Variants in KAZN observed in about 807,000 individuals in gnomAD.
KAZN encodes the protein kazrin.
In KAZN, 40 loss-of-function variants were observed where a neutral mutation model predicts 87.4. The ratio of observed to expected loss-of-function variants is 0.46; its 90% CI spans 0.36 to 0.60. The LOEUF (loss-of-function observed/expected upper bound fraction) is 0.60, where lower values mean the gene tolerates loss of function less well. KAZN is among the 20% of genes least tolerant of loss of function. KAZN has a pLI of 0.00. For missense variants in KAZN, 898 were observed against 1,073.9 expected (o/e 0.84, Z 2.29); for synonymous variants, 466 against 458.3 (o/e 1.02, Z -0.22).
chr1:14,368,911 C>T (rs1660237758), intron 2 of KAZN, among the ~76,000 whole-genome samples: 1 of 152,088 alleles, frequency 6.6e-6, no homozygotes, highest in Admixed American at 6.6e-5. Context: ...GTAGTTCTCT[C>T]CAAGTATATT....
intron 1 of KAZN, among the ~76,000 whole-genome samples, chr1:14,116,650 A>G (rs1644627688): frequency 6.6e-6 from 1 of 152,170 alleles, no homozygotes; most frequent in Admixed American, 6.5e-5. Context: ...CCCTACTGGG[A>G]TGCTGCTTAG....
rs1639987603 is a variant in KAZN, at chr1:15,081,164, T to C, written c.1223-13016T>C. Among the ~76,000 whole-genome samples, 1 of 152,196 alleles carries C rather than the reference T, an allele frequency of 6.6e-6. No individual in the cohort carries two copies. Among genetic ancestry groups the C allele is most frequent in the Admixed American group, 6.5e-5 (1 of 15,282 alleles). ...TCCCTCCGTTCCTCCCTTCCTGCCT[T>C]CTTTTACTCAATACTTAGAGGGCTC... On this transcript the variant is annotated intron_variant, in intron 8 of 14. Coordinates refer to ENST00000376030, the MANE Select transcript of KAZN (RefSeq NM_201628.3). This position sits in a 1 kb window ranked among gnomAD's most constrained non-coding sequence, Gnocchi z 4.1.
intron 2 of KAZN, among the ~76,000 whole-genome samples, chr1:14,385,860 G>A: frequency 6.8e-6 from 1 of 146,730 alleles, no homozygotes; most frequent in Non-Finnish European, 1.5e-5. Flanking sequence ...TCAATTCCTG[G>A]GTATCCTTGT....
At chr1:14,446,317 T>C (rs1045159960) in intron 2 of KAZN, among the ~76,000 whole-genome samples, 1 of 152,176 alleles carries the variant, frequency 6.6e-6, no homozygotes, top group Non-Finnish European at 1.5e-5. Context: ...CCTAGATACC[T>C]TATTCCAAGC....
At chr1:14,680,098 AT>A (rs1640480232) in intron 1 of KAZN, among the ~76,000 whole-genome samples, 1 of 152,122 alleles carries the variant, frequency 6.6e-6, no homozygotes, top group South Asian at 2.1e-4. Flanking sequence ...GGGAGGTGAT[AT>A]TTTTAATTAA....
rs182726856 is a variant in KAZN at position 15,104,552 on chromosome 1, T to C, written c.2048+363T>C. On this transcript the variant is annotated intron_variant, in intron 13 of 14. Transcript: ENST00000376030. The stretch of plus-strand genomic sequence containing the variant: ...ACTTGCATTGGCCTAATAGGTTGAG[T>C]TGGTTGGTCCAGGTGGGGCAACTGT... Among the ~76,000 whole-genome samples, 45 of 152,192 alleles carry C rather than the reference T, an allele frequency of 3.0e-4. No homozygotes were observed. The East Asian group carries it at 6.6e-3, about 22-fold the overall frequency.
chr1:14,854,510 A>G (rs984948444), intron 1 of KAZN, among the ~76,000 whole-genome samples: 1 of 152,190 alleles, frequency 6.6e-6, no homozygotes, highest in Non-Finnish European at 1.5e-5. Flanking sequence ...ATGGTGGAGA[A>G]GGTCAAAGGG....
chr1:14,847,845 T>C (rs1452476304), intron 1 of KAZN, among the ~76,000 whole-genome samples: 1 of 152,090 alleles, frequency 6.6e-6, no homozygotes. Flanking sequence ...TAGCCAGGCG[T>C]GATGGCCACC....
At chr1:14,918,104 C>CT (rs1658018883) in intron 1 of KAZN, among the ~76,000 whole-genome samples, 1 of 151,992 alleles carries the variant, frequency 6.6e-6, no homozygotes, top group Non-Finnish European at 1.5e-5. Flanking sequence ...GTCTCAATCT[C>CT]TTAACCTTGT....
intron 1 of KAZN, among the ~76,000 whole-genome samples, chr1:14,168,313 G>C (rs1645875903): frequency 6.6e-6 from 1 of 152,190 alleles, no homozygotes; most frequent in African/African-American, 2.4e-5. Flanking sequence ...GAAGCTGTTT[G>C]GAATGCCCGT....
intron 1 of KAZN, among the ~76,000 whole-genome samples, chr1:14,031,751 A>C (rs1165766766): frequency 2.0e-4 from 31 of 152,068 alleles, no homozygotes. Flanking sequence ...GTTTCTTGAG[A>C]CTCTGCTTCA....
At chr1:14,758,101 GTT>G (rs1156400521) in intron 1 of KAZN, among the ~76,000 whole-genome samples, 1 of 136,248 alleles carries the variant, frequency 7.3e-6, no homozygotes, top group Non-Finnish European at 1.6e-5. Context: ...TTGTTTGTTT[GTT>G]TCTTTGTTTT....
At chr1:14,786,358 G>A (rs1645508433) in intron 1 of KAZN, among the ~76,000 whole-genome samples, 1 of 152,140 alleles carries the variant, frequency 6.6e-6, no homozygotes, top group Non-Finnish European at 1.5e-5. Flanking sequence ...ACTGCAGTTT[G>A]GGGAGCAGCA....
Position 15,114,739 on chromosome 1 carries a change from G to A in KAZN, c.*104G>A, listed in dbSNP as rs1007229778. 126 of 1,202,946 alleles carry A rather than the reference G, an allele frequency of 1.0e-4. 1 individual carries two copies. The African/African-American group carries it at 1.8e-3, about 17-fold the overall frequency. 74.5% of individuals were successfully genotyped at this position (1,202,946 alleles called of 1,614,324 possible). A position where few individuals can be genotyped will look rare whatever the true frequency, so the allele number is the denominator to read the frequency against. On this transcript the variant is annotated 3_prime_UTR_variant, in exon 15 of 15. Coordinates refer to ENST00000376030, the MANE Select transcript of KAZN (RefSeq NM_201628.3). ...ACTGTACATAGCGGCCGCAGGCTGA[G>A]GATGTCCCTTGCTCCTGGGCAAAAT...
chr1:14,948,049 C>T (rs1475791751), intron 1 of KAZN, among the ~76,000 whole-genome samples: 3 of 152,176 alleles, frequency 2.0e-5, no homozygotes, highest in Non-Finnish European at 2.9e-5. Context: ...GAACTAAGTT[C>T]CCTTGTCCAT....
At chr1:14,145,710 A>G (rs942111706) in intron 1 of KAZN, among the ~76,000 whole-genome samples, 1 of 151,904 alleles carries the variant, frequency 6.6e-6, no homozygotes, top group Admixed American at 6.6e-5. Context: ...CCTCCCAAGT[A>G]GCTGGGATTA....
At position 14,115,877 on chromosome 1, in the gene KAZN, T is replaced by C. The variant is rs531689027; in HGVS notation, c.92-64558T>C. On this transcript the variant is annotated intron_variant, in intron 1 of 16. Coordinates refer to the KAZN transcript ENST00000636203. The stretch of plus-strand genomic sequence containing the variant: ...GTCTCAGACGGAAATAAGGACCTTC[T>C]TGGGAACTAGAGCAAAGGTGAGTCT... Among the ~76,000 whole-genome samples, 3 of 152,314 alleles carry C rather than the reference T, an allele frequency of 2.0e-5. No homozygotes were observed. In the East Asian group the frequency reaches 5.8e-4, roughly 29 times the overall value.
chr1:14,233,391 TC>T (rs1204807590), intron 2 of KAZN, among the ~76,000 whole-genome samples: 3 of 152,196 alleles, frequency 2.0e-5, no homozygotes, highest in East Asian at 3.9e-4. Flanking sequence ...TGCTGTGGCC[TC>T]CCAAAGCGCT....
intron 2 of KAZN, among the ~76,000 whole-genome samples, chr1:14,246,801 CT>C (rs911447722): frequency 1.3e-5 from 2 of 151,976 alleles, no homozygotes; most frequent in East Asian, 1.9e-4. Flanking sequence ...CCATGACCTG[CT>C]TTTTTTTCAA....
Sources: allele counts gnomAD v4.1 joint callset (sites outside exome capture counted in the v4.1 genomes callset), GRCh38; gene constraint gnomAD v4.1.1; non-coding constraint Gnocchi (gnomAD v3.1); transcripts MANE v1.5; gene names NCBI Gene and HGNC (gene_info 2026-07-23, HGNC 2026-07-21).